Variants in DENND4C observed in about 807,000 individuals in gnomAD.
DENND4C encodes the protein DENN domain containing 4C.
A neutral mutation model predicts 203.0 loss-of-function variants in DENND4C; 108 were observed. The observed-to-expected ratio is 0.53, with a 90% CI of 0.46 to 0.62. DENND4C has a LOEUF of 0.62. DENND4C is among the 20% of genes least tolerant of loss of function. DENND4C has a pLI of 0.00. For synonymous variants in DENND4C, 871 were observed against 792.4 expected (o/e 1.10, Z -1.67); for missense variants, 2,481 against 2,301.2 (o/e 1.08, Z -1.60).
At position 19,372,233 on chromosome 9, in the gene DENND4C, A is replaced by G. The variant is rs1201902088; in HGVS notation, c.*60A>G. On this transcript the variant is annotated 3_prime_UTR_variant, in exon 33 of 33. Coordinates refer to ENST00000434457, the MANE Select transcript of DENND4C (RefSeq NM_001330640.2). ...TGGGGATTAGATTTCATCTGGAAAC[A>G]TTCAAGTTTTTTTTTCCAAATCGTA... 1 of 1,555,196 alleles carries G rather than the reference A, an allele frequency of 6.4e-7. No homozygotes were observed. The highest frequency in any genetic ancestry group is 2.3e-5 in the East Asian group (1 of 44,152).
rs776792365 is a variant in DENND4C, at chr9:19,357,215, CT to C, written c.4964+62del. The C allele has an allele frequency of 5.1e-6, 8 of 1,571,112 alleles. No individual in the cohort carries two copies. The South Asian group carries it at 7.9e-5, about 16-fold the overall frequency. On this transcript the variant is annotated intron_variant, in intron 27 of 32. Coordinates refer to ENST00000434457, the MANE Select transcript of DENND4C (RefSeq NM_001330640.2). ...TAAATGGGGTACCCTTGTAAAAATTCTGTCTCTAAAGACAACCTGACTCATA... is the reference window on the plus strand; with the variant it reads ...TAAATGGGGTACCCTTGTAAAAATTCGTCTCTAAAGACAACCTGACTCATA...
At chr9:19,232,568 T>G (rs1820849606) in intron 1 of DENND4C, among the ~76,000 whole-genome samples, 1 of 152,236 alleles carries the variant, frequency 6.6e-6, no homozygotes, top group African/African-American at 2.4e-5. Flanking sequence ...TAGTCCTGTA[T>G]GCTTTGTAAA....
chr9:19,305,375 A>G lies in DENND4C; in HGVS notation c.1335A>G (p.Gln445=), dbSNP rs138893671. The change falls in exon 10 of 33, where the codon CAA becomes CAG. Residue 445 remains glutamine (Q), a synonymous_variant. Transcript: ENST00000434457. The part of the protein sequence containing the change: ...VVAMIFPFQW[Q]CPYIPLCPLS... Reference sequence around the variant, plus strand: ...AGATGATCTTTCCATTTCAGTGGCAATGCCCATATATTCCCCTTTGTCCTC... The same window carrying G: ...AGATGATCTTTCCATTTCAGTGGCAGTGCCCATATATTCCCCTTTGTCCTC... 137 of 1,607,094 alleles carry G rather than the reference A, an allele frequency of 8.5e-5. No homozygotes were observed. The African/African-American group carries it at 1.7e-3, about 20-fold the overall frequency.
Position 19,276,139 on chromosome 9 carries a change from T to G in DENND4C, c.-17-19T>G. 1 of 1,191,942 alleles carries G rather than the reference T, an allele frequency of 8.4e-7. No individual in the cohort carries two copies. Among genetic ancestry groups the G allele is most frequent in the Non-Finnish European group, 1.1e-6 (1 of 951,328 alleles). The allele number at this position is 1,191,942 out of a possible 1,614,324, so 73.8% of individuals were successfully genotyped here. A position where few individuals can be genotyped will look rare whatever the true frequency, so the allele number is the denominator to read the frequency against. ...TAAAGTATTTTATTTTATTGGTATC[T>G]TTCCCCTCCCTCTTCTAGAAAATAC... On this transcript the variant is annotated intron_variant, in intron 1 of 32. Coordinates refer to ENST00000434457, the MANE Select transcript of DENND4C (RefSeq NM_001330640.2).
rs899757858 is a variant in DENND4C, at chr9:19,260,520, C to G, written c.-17-15638C>G. On this transcript the variant is annotated intron_variant, in intron 1 of 32. Coordinates refer to ENST00000434457, the MANE Select transcript of DENND4C (RefSeq NM_001330640.2). ...TCAAGCAGTTCTCCCACCTCAGCCT[C>G]CCGAGTAGCTGGATCTACAGGTGTG... Among the ~76,000 whole-genome samples the G allele has an allele frequency of 2.0e-5, 3 of 152,092 alleles. No individual in the cohort carries two copies. The East Asian group carries it at 5.8e-4, about 29-fold the overall frequency.
At chr9:19,231,291 T>C (rs1404339951) in intron 1 of DENND4C, among the ~76,000 whole-genome samples, 1 of 149,416 alleles carries the variant, frequency 6.7e-6, no homozygotes, top group Admixed American at 6.6e-5. Context: ...TCGAGAGGAG[T>C]CGGGGGACTG....
chr9:19,356,877 G>A, intron 26 of DENND4C, 95 bp from the exon 27 acceptor site: 1 of 1,151,492 alleles, frequency 8.7e-7, no homozygotes, highest in Non-Finnish European at 1.2e-6. Context: ...TTTTATTAAT[G>A]ACTGCTTTAG....
intron 12 of DENND4C, among the ~76,000 whole-genome samples, chr9:19,323,796 A>G (rs1264462901): frequency 6.6e-6 from 1 of 152,212 alleles, no homozygotes; most frequent in South Asian, 2.1e-4. Flanking sequence ...GAGGTTCCTT[A>G]TAGGGGATTT....
At chr9:19,268,198 T>A (rs563615644) in intron 1 of DENND4C, among the ~76,000 whole-genome samples, 4 of 151,892 alleles carry the variant, frequency 2.6e-5, no homozygotes, top group Admixed American at 6.6e-5. Context: ...CTCTCCGGCT[T>A]AAGCCATCCC....
intron 1 of DENND4C, among the ~76,000 whole-genome samples, chr9:19,249,704 TG>T (rs1252384712): frequency 6.6e-6 from 1 of 152,204 alleles, no homozygotes; most frequent in Non-Finnish European, 1.5e-5. Context: ...TGTTTGTTTT[TG>T]ACATGGGGCC....
chr9:19,352,681 G>C lies in DENND4C; in HGVS notation c.4781+16G>C. 1 of 1,553,868 alleles carries C rather than the reference G, an allele frequency of 6.4e-7. No individual in the cohort carries two copies. Among genetic ancestry groups the C allele is most frequent in the Non-Finnish European group, 8.7e-7 (1 of 1,146,876 alleles). ...GTTCTGCAAGGTTAGTCTTATAAAA[G>C]CTCTCTCAAGAAGTAAGTACCCTCA... On this transcript the variant is annotated intron_variant, in intron 26 of 32. Coordinates refer to ENST00000434457, the MANE Select transcript of DENND4C (RefSeq NM_001330640.2).
intron 5 of DENND4C, 43 bp from the exon 6 acceptor site, chr9:19,295,965 C>A: frequency 7.0e-7 from 1 of 1,432,730 alleles, no homozygotes; most frequent in South Asian, 1.2e-5. Context: ...TTAATTTTTT[C>A]AAACAAACTC....
At chr9:19,279,579 A>G (rs1327073438) in intron 2 of DENND4C, among the ~76,000 whole-genome samples, 1 of 152,006 alleles carries the variant, frequency 6.6e-6, no homozygotes, top group East Asian at 1.9e-4. Flanking sequence ...TGGGAGGCTG[A>G]GGCAGGAGAA....
At chr9:19,244,543 A>G (rs560994265) in intron 1 of DENND4C, among the ~76,000 whole-genome samples, 5 of 151,656 alleles carry the variant, frequency 3.3e-5, no homozygotes, top group South Asian at 4.2e-4. Flanking sequence ...GATCGAGACC[A>G]TCCTGGCTAA....
At chr9:19,360,756 T>C (rs953320847) in intron 29 of DENND4C, among the ~76,000 whole-genome samples, 1 of 152,210 alleles carries the variant, frequency 6.6e-6, no homozygotes, top group African/African-American at 2.4e-5. Flanking sequence ...ATCTACTTTC[T>C]ATCCAGCAGT....
intron 2 of DENND4C, among the ~76,000 whole-genome samples, chr9:19,280,162 CT>C (rs1554717100): frequency 6.6e-6 from 1 of 151,226 alleles, no homozygotes; most frequent in Non-Finnish European, 1.5e-5. Context: ...TCCTCCCTTC[CT>C]TTTTTTTTGG....
At chr9:19,357,776 T>A in intron 27 of DENND4C, 189 bp from the exon 28 acceptor site, 1 of 500,530 alleles carries the variant, frequency 2.0e-6, no homozygotes, top group Non-Finnish European at 3.5e-6. Context: ...CAGAACCATC[T>A]ACTCCATCCT....
At chr9:19,245,364 G>A (rs550038662) in intron 1 of DENND4C, among the ~76,000 whole-genome samples, 23 of 151,974 alleles carry the variant, frequency 1.5e-4, no homozygotes, top group African/African-American at 4.1e-4. Flanking sequence ...CTACTCGGGA[G>A]GCTGAGGCAG....
intron 1 of DENND4C, among the ~76,000 whole-genome samples, chr9:19,254,683 T>C (rs1267389748): frequency 6.6e-6 from 1 of 152,140 alleles, no homozygotes; most frequent in African/African-American, 2.4e-5. Context: ...AGAGAGCAAA[T>C]TGTAAGTGAC....
Sources: gnomAD v4.1 joint callset for allele counts (sites outside exome capture counted in the v4.1 genomes callset) on GRCh38, gnomAD v4.1.1 for gene constraint, MANE v1.5 for transcripts, NCBI Gene and HGNC (gene_info 2026-07-23, HGNC 2026-07-21) for gene names.